Variants in UCK2 observed in about 807,000 individuals in gnomAD.
UCK2 encodes the protein uridine-cytidine kinase 2, also known as cytidine monophosphokinase 2.
Under a neutral mutation model 30.8 loss-of-function variants are expected in UCK2, and 6 were observed. The observed-to-expected ratio is 0.19, with a 90% CI of 0.11 to 0.38. The LOEUF is 0.38. Among genes scored for constraint, UCK2 ranks in the 10% least tolerant of loss-of-function variants. The probability of loss-of-function intolerance (pLI) is 1.00; values close to 1 mark genes in which losing one functional copy is unlikely to be tolerated. For synonymous variants in UCK2, 125 were observed against 133.6 expected (o/e 0.94, Z 0.45); for missense variants, 210 against 339.8 (o/e 0.62, Z 3.00).
chr1:165,873,553 T>A (rs1432053413), intron 1 of UCK2, among the ~76,000 whole-genome samples: 1 of 152,232 alleles, frequency 6.6e-6, no homozygotes, highest in Non-Finnish European at 1.5e-5. Flanking sequence ...TATATCTTCC[T>A]GACCTTCTCT....
intron 1 of UCK2, among the ~76,000 whole-genome samples, chr1:165,880,772 G>A (rs748670311): frequency 6.6e-6 from 1 of 152,108 alleles, no homozygotes; most frequent in Non-Finnish European, 1.5e-5. Flanking sequence ...CTCAAGCATA[G>A]CCCTGTTTTG....
At chr1:165,878,579 C>T (rs372397889) in intron 1 of UCK2, among the ~76,000 whole-genome samples, 70 of 152,278 alleles carry the variant, frequency 4.6e-4, no homozygotes, top group Middle Eastern at 6.8e-3. Flanking sequence ...CTCCTAAACT[C>T]GTCATCTGCC....
At chr1:165,904,629 C>T (rs1647589544) in intron 5 of UCK2, among the ~76,000 whole-genome samples, 1 of 152,236 alleles carries the variant, frequency 6.6e-6, no homozygotes, top group African/African-American at 2.4e-5. Context: ...TGTCCAGCCA[C>T]TCTTTGCTCA....
At chr1:165,852,172 A>G (rs571523327) in intron 1 of UCK2, among the ~76,000 whole-genome samples, 110 of 152,192 alleles carry the variant, frequency 7.2e-4, no homozygotes, top group Non-Finnish European at 1.4e-3. Context: ...GTCTTCCACA[A>G]TGGTTGAACT....
At chr1:165,880,738 C>T (rs976904937) in intron 1 of UCK2, among the ~76,000 whole-genome samples, 4 of 152,064 alleles carry the variant, frequency 2.6e-5, no homozygotes, top group Admixed American at 1.3e-4. Context: ...AATTCAGTTG[C>T]GAGGGATACA....
At chr1:165,838,983 G>A (rs1201927143) in intron 1 of UCK2, among the ~76,000 whole-genome samples, 1 of 152,042 alleles carries the variant, frequency 6.6e-6, no homozygotes, top group African/African-American at 2.4e-5. Context: ...GGGAGGCGGA[G>A]ATTTCAGTGA....
At chr1:165,872,979 A>T (rs1342484440) in intron 1 of UCK2, among the ~76,000 whole-genome samples, 1 of 152,212 alleles carries the variant, frequency 6.6e-6, no homozygotes, top group East Asian at 1.9e-4. Context: ...CACGTTGGAG[A>T]TGCAAAAAGC....
intron 1 of UCK2, among the ~76,000 whole-genome samples, chr1:165,884,984 G>C (rs1655583766): frequency 1.3e-5 from 2 of 152,168 alleles, no homozygotes; most frequent in African/African-American, 4.8e-5. Flanking sequence ...TTTTCTTGGT[G>C]AGCTTTTAGC....
intron 1 of UCK2, among the ~76,000 whole-genome samples, chr1:165,868,583 C>T (rs1200235752): frequency 6.6e-6 from 1 of 152,250 alleles, no homozygotes; most frequent in Non-Finnish European, 1.5e-5. Flanking sequence ...ACTTAAGCCT[C>T]ATGATCCAGC....
chr1:165,852,451 C>A (rs755615710), intron 1 of UCK2, among the ~76,000 whole-genome samples: 17 of 152,148 alleles, frequency 1.1e-4, no homozygotes, highest in Admixed American at 2.0e-4. Context: ...ACGTGGCCAA[C>A]AAACATGAGA....
At chr1:165,900,507 G>A (rs1220285149) in intron 4 of UCK2, 1 of 152,252 alleles carries the variant, frequency 6.6e-6, no homozygotes, top group Non-Finnish European at 1.5e-5. Context: ...GCCCATAGAG[G>A]TAGAACAAGA....
intron 4 of UCK2, among the ~76,000 whole-genome samples, chr1:165,901,068 G>A (rs1228550525): frequency 6.6e-6 from 1 of 152,144 alleles, no homozygotes; most frequent in Admixed American, 6.5e-5. Context: ...TGAGCCACGT[G>A]GCAGCTCCTT....
chr1:165,862,797 C>G (rs1654951964), intron 1 of UCK2, among the ~76,000 whole-genome samples: 1 of 152,132 alleles, frequency 6.6e-6, no homozygotes, highest in Non-Finnish European at 1.5e-5. Flanking sequence ...GTTCCCGACA[C>G]AGAGAGAGAG....
chr1:165,907,948 A>C lies in UCK2; in HGVS notation c.*125A>C. On this transcript the variant is annotated 3_prime_UTR_variant, in exon 7 of 7. Transcript: ENST00000367879. ...TTTAAGAAAACACCATGGAGATGAA[A>C]TGCCTTTGATTTTTTTTTTCTTTTT... 7.5e-7 allele frequency: 1 copy of C among 1,341,986 alleles called. No individual in the cohort carries two copies. Among genetic ancestry groups the C allele is most frequent in the Non-Finnish European group, 9.9e-7 (1 of 1,008,440 alleles). 83.1% of individuals were successfully genotyped at this position (1,341,986 alleles called of 1,614,324 possible). A position where few individuals can be genotyped will look rare whatever the true frequency, so the allele number is the denominator to read the frequency against.
intron 1 of UCK2, among the ~76,000 whole-genome samples, chr1:165,883,593 T>G (rs753442614): frequency 6.6e-6 from 1 of 152,048 alleles, no homozygotes; most frequent in Non-Finnish European, 1.5e-5. Flanking sequence ...TATTAGTAAT[T>G]TAGTGAGTTT....
rs1647803739 is a variant in UCK2, at chr1:165,910,122, T to G, written c.*2299T>G. 6.6e-6 allele frequency: 1 copy of G among 152,278 alleles called. No homozygotes were observed. The highest frequency in any genetic ancestry group is 1.5e-5 in the Non-Finnish European group (1 of 68,096). 9.4% of individuals were successfully genotyped at this position (152,278 alleles called of 1,614,324 possible). ...GATCACCAATTCTTGGTGGCTTGGC[T>G]GGGGACAATGAACAGTGTCTGCTGG... On this transcript the variant is annotated 3_prime_UTR_variant, in exon 7 of 7. Transcript: ENST00000367879.
rs558453159 is a variant in UCK2, at chr1:165,849,317, GT to G, written c.99+21387del. Among the ~76,000 whole-genome samples, 302 of 152,296 alleles carry G rather than the reference GT, an allele frequency of 2.0e-3. 3 individuals are homozygous for G. The highest frequency in any genetic ancestry group is 7.0e-3 in the African/African-American group (293 of 41,564). On this transcript the variant is annotated intron_variant, in intron 1 of 6. Coordinates refer to ENST00000367879, the MANE Select transcript of UCK2 (RefSeq NM_012474.5). ...GGTGGTCAGGTGGTGGAGAGCTTCT[GT>G]TCTGAGAACCTGACCGAGAGGCAAA... is the stretch of plus-strand genomic sequence containing the variant.
At chr1:165,849,854 G>A (rs939920012) in intron 1 of UCK2, among the ~76,000 whole-genome samples, 1 of 152,132 alleles carries the variant, frequency 6.6e-6, no homozygotes, top group African/African-American at 2.4e-5. Context: ...TTGGTGTGGT[G>A]CCTGACTCCA....
At chr1:165,896,782 T>G (rs1389453743) in intron 4 of UCK2, among the ~76,000 whole-genome samples, 1 of 152,202 alleles carries the variant, frequency 6.6e-6, no homozygotes, top group East Asian at 1.9e-4. Flanking sequence ...TAGCCCTTTA[T>G]TTTCCAGCAG....
Sources: allele counts gnomAD v4.1 joint callset (sites outside exome capture counted in the v4.1 genomes callset), GRCh38; gene constraint gnomAD v4.1.1; transcripts MANE v1.5; gene names NCBI Gene and HGNC (gene_info 2026-07-23, HGNC 2026-07-21).